The following GOT2 variants were observed in gnomAD, a reference collection of about 807,000 sequenced individuals.
GOT2 encodes the protein aspartate aminotransferase, mitochondrial.
In GOT2, 17 loss-of-function variants were observed where a neutral mutation model predicts 50.0. That is an observed-to-expected ratio of 0.34 (90% confidence interval 0.23 to 0.51). The LOEUF is 0.51. Among genes scored for constraint, GOT2 ranks in the 20% least tolerant of loss-of-function variants. The probability of loss-of-function intolerance (pLI) is 0.97; values close to 1 mark genes in which losing one functional copy is unlikely to be tolerated. For missense variants in GOT2, 430 were observed against 559.6 expected (o/e 0.77, Z 2.34); for synonymous variants, 172 against 204.9 (o/e 0.84, Z 1.37).
At chr16:58,724,073 C>A (rs28463297) in intron 1 of GOT2, among the ~76,000 whole-genome samples, 171 bp from the exon 2 acceptor site, 10,961 of 152,012 alleles carry the variant, frequency 0.072, 802 homozygotes, top group East Asian at 0.29. Context: ...CCCACTCCAG[C>A]CTCCCAAGTA....
Position 58,712,928 on chromosome 16 carries a change from C to T in GOT2, c.1019+3086G>A, listed in dbSNP as rs925153610. On this transcript the variant is annotated intron_variant, in intron 8 of 9. Coordinates refer to ENST00000245206, the MANE Select transcript of GOT2 (RefSeq NM_002080.4). ...CAGCCTGACCAACATGGAGAAACCC[C>T]GTCTCTACTAAAAATACAAAATTAG... Among the ~76,000 whole-genome samples the T allele has an allele frequency of 3.9e-5, 6 of 152,134 alleles. No homozygotes were observed. The East Asian group carries it at 1.2e-3, about 30-fold the overall frequency.
chr16:58,712,434 C>T (rs1346223365), intron 8 of GOT2, among the ~76,000 whole-genome samples: 1 of 152,156 alleles, frequency 6.6e-6, no homozygotes, highest in Admixed American at 6.6e-5. Flanking sequence ...TCGCTTGAAC[C>T]CAGGAGGCGG....
chr16:58,728,967 G>A lies in GOT2; in HGVS notation c.90-5065C>T, dbSNP rs190663167. 1.2e-4 allele frequency among the ~76,000 whole-genome samples: 18 copies of A among 152,234 alleles called. No individual in the cohort carries two copies. The East Asian group carries it at 3.1e-3, about 26-fold the overall frequency. Reference sequence around the variant, plus strand: ...CTCCCAAAGTGCTGGGATTACAGGCGTGAGCTACCGCACCCGGCCCTTTTC... The same window carrying A: ...CTCCCAAAGTGCTGGGATTACAGGCATGAGCTACCGCACCCGGCCCTTTTC... On this transcript the variant is annotated intron_variant, in intron 1 of 9. Transcript: ENST00000245206.
intron 9 of GOT2, among the ~76,000 whole-genome samples, chr16:58,708,651 T>C (rs2044622219): frequency 6.6e-6 from 1 of 150,638 alleles, no homozygotes; most frequent in African/African-American, 2.4e-5. Context: ...TACTTTAAAG[T>C]AGGATGATGA....
Position 58,718,188 on chromosome 16 carries a change from G to A in GOT2, c.702+8C>T, listed in dbSNP as rs777234133. On this transcript the variant is annotated splice_region_variant and intron_variant, in intron 6 of 9. Transcript: ENST00000245206. ...CAGAACTGTCGCCAGTGAGTTCATC[G>A]TCCTCACCTTCACCACTGTTGCTAT... 7 of 1,591,678 alleles carry A rather than the reference G, an allele frequency of 4.4e-6. No homozygotes were observed. Among genetic ancestry groups the A allele is most frequent in the African/African-American group, 4.0e-5 (3 of 74,494 alleles).
chr16:58,724,419 A>G (rs1244575848), intron 1 of GOT2, among the ~76,000 whole-genome samples: 1 of 151,976 alleles, frequency 6.6e-6, no homozygotes, highest in East Asian at 1.9e-4. Flanking sequence ...CCAAAACAGT[A>G]TTGATTTACA....
At chr16:58,718,041 C>T (rs961432295) in intron 6 of GOT2, among the ~76,000 whole-genome samples, 155 bp downstream of exon 6, 6 of 152,240 alleles carry the variant, frequency 3.9e-5, no homozygotes, top group Non-Finnish European at 8.8e-5. Context: ...CTGCTAATCA[C>T]GCAAATGGGG....
Position 58,734,250 on chromosome 16 carries a change from G to A in GOT2, c.-22C>T, listed in dbSNP as rs746422412. On this transcript the variant is annotated 5_prime_UTR_variant, in exon 1 of 10. Transcript: ENST00000245206. ...CCATGGTGGACCGTAGGAGGGCAGT[G>A]GGCAGCCGCAGGACGGAGCAGAGGG... 1.3e-5 allele frequency: 17 copies of A among 1,271,180 alleles called. No individual in the cohort carries two copies. The Admixed American group carries it at 4.9e-4, about 37-fold the overall frequency. 78.7% of individuals were successfully genotyped at this position (1,271,180 alleles called of 1,614,324 possible).
chr16:58,734,219 G>A lies in GOT2; in HGVS notation c.10C>T (p.Leu4=). Residue 4 remains leucine (L), a synonymous_variant, in exon 1 of 10, where the codon CTG becomes TTG. Coordinates refer to ENST00000245206, the MANE Select transcript of GOT2 (RefSeq NM_002080.4). MAL[L]HSGRVLPGIA... ...CCGGGGAGGACGCGGCCGGAGTGCAGCAGGGCCATGGTGGACCGTAGGAGG... is the reference window on the plus strand; with the variant it reads ...CCGGGGAGGACGCGGCCGGAGTGCAACAGGGCCATGGTGGACCGTAGGAGG... 2 of 1,330,788 alleles carry A rather than the reference G, an allele frequency of 1.5e-6. No homozygotes were observed. The highest frequency in any genetic ancestry group is 2.6e-5 in the South Asian group (1 of 38,982). The allele number at this position is 1,330,788 out of a possible 1,614,324, so 82.4% of individuals were successfully genotyped here.
chr16:58,727,948 C>G (rs2044800898), intron 1 of GOT2, among the ~76,000 whole-genome samples: 1 of 149,450 alleles, frequency 6.7e-6, no homozygotes, highest in Non-Finnish European at 1.5e-5. Context: ...TGCTGATAAA[C>G]TCGTGAATTA....
rs372811968 is a variant in GOT2, at chr16:58,725,169, T to C, written c.90-1267A>G. Among the ~76,000 whole-genome samples, 16 of 151,438 alleles carry C rather than the reference T, an allele frequency of 1.1e-4. No homozygotes were observed. In the East Asian group the frequency reaches 2.7e-3, roughly 26 times the overall value. ...TCACTCTGTCACCCAGGCTGGAGTG[T>C]AGTGGCGTGATCTTGGCTCACTGCA... On this transcript the variant is annotated intron_variant, in intron 1 of 9. Transcript: ENST00000245206.
intron 3 of GOT2, among the ~76,000 whole-genome samples, chr16:58,719,706 G>C (rs2044725562): frequency 6.6e-6 from 1 of 152,152 alleles, no homozygotes; most frequent in African/African-American, 2.4e-5. Context: ...AGTGAGCCGA[G>C]ACTGTGCCAT....
chr16:58,718,058 T>C, intron 6 of GOT2, 138 bp downstream of exon 6: 1 of 730,874 alleles, frequency 1.4e-6, no homozygotes, highest in East Asian at 2.6e-5. Context: ...GGGGAGCCCT[T>C]TTCTGGCAGC....
chr16:58,711,339 C>T (rs1043674304), intron 8 of GOT2, among the ~76,000 whole-genome samples: 9 of 152,170 alleles, frequency 5.9e-5, no homozygotes, highest in African/African-American at 1.7e-4. Context: ...TGACTGTGCA[C>T]GGGGATCACC....
intron 8 of GOT2, among the ~76,000 whole-genome samples, chr16:58,709,895 T>G (rs2152093263): frequency 6.6e-6 from 1 of 152,380 alleles, no homozygotes; most frequent in East Asian, 1.9e-4. Context: ...ACAGCCATTT[T>G]GTTTCTTTCA....
rs1340105931 is a variant in GOT2, at chr16:58,723,659, T to C, written c.246+87A>G. 7.3e-6 allele frequency: 8 copies of C among 1,098,890 alleles called. No individual in the cohort carries two copies. The East Asian group carries it at 1.7e-4, about 23-fold the overall frequency. The allele number at this position is 1,098,890 out of a possible 1,614,324, so 68.1% of individuals were successfully genotyped here. A position where few individuals can be genotyped will look rare whatever the true frequency, so the allele number is the denominator to read the frequency against. Reference sequence around the variant, plus strand: ...CAGAACTAAAGCCCAGGGCTCCTGATTCCCGGTCCAGCACTATTCCTGCCA... The same window carrying C: ...CAGAACTAAAGCCCAGGGCTCCTGACTCCCGGTCCAGCACTATTCCTGCCA... On this transcript the variant is annotated intron_variant, in intron 2 of 9. Transcript: ENST00000245206.
At chr16:58,718,352 T>G in intron 5 of GOT2, 52 bp from the exon 6 acceptor site, 1 of 1,464,166 alleles carries the variant, frequency 6.8e-7, no homozygotes, top group South Asian at 1.1e-5. Flanking sequence ...AGGAAATGGT[T>G]TATCTGAAAT....
chr16:58,729,450 C>G, intron 1 of GOT2, among the ~76,000 whole-genome samples: 1 of 148,994 alleles, frequency 6.7e-6, no homozygotes, highest in East Asian at 2.0e-4. Context: ...TCACTTAAGC[C>G]TAGTGTTTGA....
chr16:58,718,520 C>A lies in GOT2; in HGVS notation c.597+7G>T. On this transcript the variant is annotated splice_region_variant and intron_variant, in intron 5 of 9. Coordinates refer to ENST00000245206, the MANE Select transcript of GOT2 (RefSeq NM_002080.4). Reference sequence around the variant, plus strand: ...TTCACCTCTCTCACCCTGAAAGCCACACTTACTGAAATATCCTCCACAGCG... The same window carrying A: ...TTCACCTCTCTCACCCTGAAAGCCAAACTTACTGAAATATCCTCCACAGCG... 1 of 1,567,346 alleles carries A rather than the reference C, an allele frequency of 6.4e-7. No individual in the cohort carries two copies. The highest frequency in any genetic ancestry group is 8.6e-7 in the Non-Finnish European group (1 of 1,157,686).
Sources: gnomAD v4.1 joint callset for allele counts (sites outside exome capture counted in the v4.1 genomes callset) on GRCh38, gnomAD v4.1.1 for gene constraint, MANE v1.5 for transcripts, NCBI Gene and HGNC (gene_info 2026-07-23, HGNC 2026-07-21) for gene names.